The following RGS6 variants were observed in gnomAD, a reference collection of about 807,000 sequenced individuals.
RGS6 encodes the protein regulator of G protein signaling 6, also known as regulator of G-protein signaling 6.
A neutral mutation model predicts 78.5 loss-of-function variants in RGS6; 30 were observed. The observed-to-expected ratio is 0.38, with a 90% CI of 0.29 to 0.52. The LOEUF (loss-of-function observed/expected upper bound fraction) is 0.52. Among genes scored for constraint, RGS6 ranks in the 20% least tolerant of loss-of-function variants. The pLI, the probability that RGS6 is intolerant of heterozygous loss-of-function variation, is 0.85. For missense variants in RGS6, 495 were observed against 609.7 expected (o/e 0.81, Z 1.98); for synonymous variants, 206 against 206.0 (o/e 1.00, Z 0.00).
intron 3 of RGS6, among the ~76,000 whole-genome samples, chr14:72,377,560 C>T (rs1030943375): frequency 3.9e-5 from 6 of 152,186 alleles, no homozygotes; most frequent in Admixed American, 3.3e-4. Context: ...AACCTAACGA[C>T]ATTTACAGAA....
At chr14:71,900,962 G>A in the RGS6 span, among the ~76,000 whole-genome samples, 2 of 152,106 alleles carry the variant, frequency 1.3e-5, no homozygotes, top group Non-Finnish European at 2.9e-5. Context: ...ACCAGATCAT[G>A]TGTGAACTAA....
intron 2 of RGS6, among the ~76,000 whole-genome samples, chr14:72,085,786 G>T (rs538163063): frequency 6.7e-6 from 1 of 150,350 alleles, no homozygotes; most frequent in Non-Finnish European, 1.5e-5. Context: ...CCCAGGAGGC[G>T]GAGGCTGCAG....
intron 1 of RGS6, among the ~76,000 whole-genome samples, chr14:71,957,739 C>G (rs2092899520): frequency 6.6e-6 from 1 of 152,082 alleles, no homozygotes; most frequent in Non-Finnish European, 1.5e-5. Context: ...TTTTTAGAAA[C>G]TTTAACAGAT....
intron 2 of RGS6, among the ~76,000 whole-genome samples, chr14:72,019,504 C>G (rs1378333358): frequency 1.3e-5 from 2 of 152,138 alleles, no homozygotes; most frequent in Non-Finnish European, 2.9e-5. Context: ...ATTAGCACTT[C>G]CTTCTGAGTG....
chr14:72,345,969 C>T (rs2077965187), intron 2 of RGS6, among the ~76,000 whole-genome samples: 1 of 152,140 alleles, frequency 6.6e-6, no homozygotes, highest in Admixed American at 6.5e-5. Flanking sequence ...CTGATTTCTG[C>T]CTCTGGGCTG....
At chr14:71,938,435 A>G (rs1021523575) in intron 1 of RGS6, among the ~76,000 whole-genome samples, 12 of 152,184 alleles carry the variant, frequency 7.9e-5, no homozygotes, top group African/African-American at 2.9e-4. Context: ...GAGATGTCCT[A>G]GAAAAGGCCT....
chr14:72,393,627 T>TG (rs113038787), intron 3 of RGS6, among the ~76,000 whole-genome samples: 4,807 of 152,120 alleles, frequency 0.032, 278 homozygotes, highest in African/African-American at 0.11. Context: ...TTGAGAAGAG[T>TG]GAGAAACACA....
At position 72,456,759 on chromosome 14, in the gene RGS6, A is replaced by G. The variant is rs534463583; in HGVS notation, c.236-1512A>G. Among the ~76,000 whole-genome samples the G allele has an allele frequency of 4.3e-4, 66 of 152,224 alleles. No individual in the cohort carries two copies. The South Asian group carries it at 0.013, about 31-fold the overall frequency. On this transcript the variant is annotated intron_variant, in intron 4 of 17. Coordinates refer to ENST00000553525, the MANE Select transcript of RGS6 (RefSeq NM_001204424.2). The stretch of plus-strand genomic sequence containing the variant: ...TGAAACTTCTGTTCTAGCTGGACTC[A>G]TGGTTCTTGAAGCATATGGACTTTA...
chr14:72,425,434 C>T (rs569825096), intron 3 of RGS6, among the ~76,000 whole-genome samples: 5 of 152,238 alleles, frequency 3.3e-5, no homozygotes, highest in African/African-American at 9.6e-5. Flanking sequence ...CCACCGCAGC[C>T]GGCCAGAAGG....
At chr14:71,968,928 A>G (rs1454710231) in intron 2 of RGS6, among the ~76,000 whole-genome samples, 1 of 152,118 alleles carries the variant, frequency 6.6e-6, no homozygotes, top group Non-Finnish European at 1.5e-5. Context: ...TGCACCCATT[A>G]ACTCTCATTT....
chr14:72,101,457 T>A (rs2095526001), intron 2 of RGS6, among the ~76,000 whole-genome samples: 1 of 152,180 alleles, frequency 6.6e-6, no homozygotes, highest in African/African-American at 2.4e-5. Flanking sequence ...AAATGAATGT[T>A]TTATGATTCT....
chr14:72,434,570 C>T (rs965210789), intron 3 of RGS6, among the ~76,000 whole-genome samples: 4 of 152,096 alleles, frequency 2.6e-5, no homozygotes, highest in Non-Finnish European at 4.4e-5. Flanking sequence ...AGTTTAGAGG[C>T]TTGCTATCTT....
At chr14:72,058,264 G>T (rs542008455) in intron 2 of RGS6, among the ~76,000 whole-genome samples, 1 of 152,186 alleles carries the variant, frequency 6.6e-6, no homozygotes, top group South Asian at 2.1e-4. Context: ...TATAATAGCT[G>T]CCAATTGAGC....
At chr14:72,199,400 C>T (rs554612302) in intron 2 of RGS6, among the ~76,000 whole-genome samples, 3 of 152,258 alleles carry the variant, frequency 2.0e-5, no homozygotes, top group Middle Eastern at 3.4e-3. Context: ...GTTTTGTGTA[C>T]ATTGATGCAA....
intron 17 of RGS6, among the ~76,000 whole-genome samples, chr14:72,542,003 T>C (rs1033328256): frequency 6.6e-6 from 1 of 152,176 alleles, no homozygotes; most frequent in Non-Finnish European, 1.5e-5. Context: ...CCTAAGTGTC[T>C]GAAGTGCACA....
chr14:72,629,167 C>T, the RGS6 span, among the ~76,000 whole-genome samples: 3 of 152,064 alleles, frequency 2.0e-5, no homozygotes, highest in Admixed American at 6.5e-5. Context: ...TTTTGAGATA[C>T]ATATGAAGTA....
intron 1 of RGS6, among the ~76,000 whole-genome samples, chr14:71,934,082 ATATTCTT>A (rs1293876811): frequency 1.3e-5 from 2 of 152,186 alleles, no homozygotes; most frequent in South Asian, 2.1e-4. Flanking sequence ...TGTAAGATGT[ATATTCTT>A]TATTCTTAAT....
chr14:72,291,363 A>G (rs1478341784), intron 2 of RGS6, among the ~76,000 whole-genome samples: 6 of 152,102 alleles, frequency 3.9e-5, no homozygotes, highest in Admixed American at 3.9e-4. Flanking sequence ...GGCTGGGTTC[A>G]AATCCACCTC....
intron 2 of RGS6, among the ~76,000 whole-genome samples, chr14:72,011,797 A>G (rs1205419084): frequency 3.3e-5 from 5 of 152,268 alleles, no homozygotes; most frequent in Admixed American, 2.6e-4. Context: ...ACTGGAGGCA[A>G]TCTTCCTGGG....
Sources: allele counts gnomAD v4.1 joint callset (sites outside exome capture counted in the v4.1 genomes callset), GRCh38; gene constraint gnomAD v4.1.1; transcripts MANE v1.5; gene names NCBI Gene and HGNC (gene_info 2026-07-23, HGNC 2026-07-21).